The following DPP6 variants were observed in gnomAD, a reference collection of about 807,000 sequenced individuals.
DPP6 encodes A-type potassium channel modulatory protein DPP6.
A neutral mutation model predicts 122.6 loss-of-function variants in DPP6; 69 were observed. That is an observed-to-expected ratio of 0.56 (90% CI 0.46 to 0.69). DPP6 has a LOEUF of 0.69. Ranked by LOEUF, DPP6 falls within the 30% of genes least tolerant of loss-of-function variation. DPP6 has a pLI of 0.00. For synonymous variants in DPP6, 418 were observed against 433.1 expected, an observed-to-expected ratio of 0.97 and a Z score of 0.43; for missense variants, 928 against 1,116.9, an observed-to-expected ratio of 0.83 and a Z score of 2.41.
chr7:154,801,212 T>C (rs902537876), intron 12 of DPP6, 143 bp from the exon 13 acceptor site: 33 of 1,178,314 alleles, frequency 2.8e-5, no homozygotes, highest in Non-Finnish European at 3.6e-5. Flanking sequence ...AGTGACGGCC[T>C]CATCAAGCAC....
chr7:154,278,914 T>A (rs1294362872), intron 1 of DPP6, among the ~76,000 whole-genome samples: 1 of 151,676 alleles, frequency 6.6e-6, no homozygotes, highest in Non-Finnish European at 1.5e-5. Flanking sequence ...CAATTGCATG[T>A]GTATGTATGT....
intron 19 of DPP6, among the ~76,000 whole-genome samples, chr7:154,873,459 G>A (rs983996943): frequency 6.8e-6 from 1 of 146,248 alleles, no homozygotes; most frequent in African/African-American, 2.5e-5. Context: ...TGGGAGAGCC[G>A]GCTGAAGCGA....
intron 1 of DPP6, among the ~76,000 whole-genome samples, chr7:154,235,373 T>TA (rs1431386810): frequency 1.3e-5 from 2 of 152,218 alleles, no homozygotes; most frequent in East Asian, 3.9e-4. Flanking sequence ...TATTGTCAAA[T>TA]AACGACACAG....
intron 16 of DPP6, among the ~76,000 whole-genome samples, chr7:154,820,545 C>T (rs1587242967): frequency 6.6e-6 from 1 of 152,170 alleles, no homozygotes; most frequent in African/African-American, 2.4e-5. Context: ...AGTGCTTCTT[C>T]CCTTCACTTC....
chr7:153,965,802 C>CCATCATAT (rs916049769), intron 1 of DPP6, among the ~76,000 whole-genome samples: 2 of 151,992 alleles, frequency 1.3e-5, no homozygotes, highest in Admixed American at 6.6e-5. Context: ...TGCACCATTT[C>CCATCATAT]CATCATATTT....
chr7:153,842,405 A>G, the DPP6 span, among the ~76,000 whole-genome samples: 4 of 152,134 alleles, frequency 2.6e-5, no homozygotes, highest in African/African-American at 9.7e-5. Flanking sequence ...ATATTCCTGT[A>G]GTTAATATTC....
At chr7:154,244,169 G>A (rs62484157) in intron 1 of DPP6, among the ~76,000 whole-genome samples, 18,261 of 152,042 alleles carry the variant, frequency 0.12, 1,371 homozygotes, top group Non-Finnish European at 0.17. Context: ...GAAAAGACAC[G>A]TTATATACAA....
At chr7:154,262,703 G>A (rs1803115187) in intron 1 of DPP6, among the ~76,000 whole-genome samples, 1 of 150,604 alleles carries the variant, frequency 6.6e-6, no homozygotes, top group African/African-American at 2.4e-5. Flanking sequence ...GCTTACATAA[G>A]AGACCCAAGG....
At chr7:154,367,865 G>A (rs150664899) in intron 1 of DPP6, among the ~76,000 whole-genome samples, 303 of 152,298 alleles carry the variant, frequency 2.0e-3, no homozygotes, top group African/African-American at 7.1e-3. Flanking sequence ...GGCGACAGTG[G>A]GCGCGATCTC....
chr7:154,072,295 A>G (rs577132180), intron 1 of DPP6, among the ~76,000 whole-genome samples: 1 of 152,342 alleles, frequency 6.6e-6, no homozygotes, highest in African/African-American at 2.4e-5. Flanking sequence ...TCAATTGCTT[A>G]TCCATGGTGT....
At chr7:154,070,263 AAG>A (rs1224155405) in intron 1 of DPP6, among the ~76,000 whole-genome samples, 2 of 150,442 alleles carry the variant, frequency 1.3e-5, no homozygotes, top group East Asian at 3.9e-4. Flanking sequence ...GAGTGGCAGA[AAG>A]AGCTTCTTAG....
chr7:154,298,027 G>A (rs531196174), intron 1 of DPP6, among the ~76,000 whole-genome samples: 8 of 152,138 alleles, frequency 5.3e-5, no homozygotes, highest in South Asian at 2.1e-4. Context: ...TTCAGTTAGC[G>A]GACATGGAGT....
chr7:154,127,670 CACACACAA>C (rs1563226152), intron 1 of DPP6, among the ~76,000 whole-genome samples: 41 of 137,448 alleles, frequency 3.0e-4, no homozygotes, highest in Admixed American at 1.2e-3. Context: ...CACACACACA[CACACACAA>C]AACAGCTCTT....
chr7:153,758,434 G>C, the DPP6 span, among the ~76,000 whole-genome samples: 1 of 151,650 alleles, frequency 6.6e-6, no homozygotes, highest in African/African-American at 2.4e-5. Context: ...GTGCATACCC[G>C]TGAAAACGCC....
chr7:154,467,846 A>C lies in DPP6; in HGVS notation c.359-7093A>C, dbSNP rs1821924265. On this transcript the variant is annotated intron_variant, in intron 2 of 25. Coordinates refer to ENST00000377770, the MANE Select transcript of DPP6 (RefSeq NM_130797.4). ...TCATCTCTATGTTTGCCTTCTGCTGAGAGAGGTTTGGGGTCTGTGAATCAC... is the reference window on the plus strand; with the variant it reads ...TCATCTCTATGTTTGCCTTCTGCTGCGAGAGGTTTGGGGTCTGTGAATCAC... Among the ~76,000 whole-genome samples, 6 of 152,276 alleles carry C rather than the reference A, an allele frequency of 3.9e-5. No individual in the cohort carries two copies. In the South Asian group the frequency reaches 1.2e-3, roughly 32 times the overall value.
intron 2 of DPP6, among the ~76,000 whole-genome samples, chr7:154,461,574 A>G (rs1251105212): frequency 6.6e-6 from 1 of 152,162 alleles, no homozygotes; most frequent in Non-Finnish European, 1.5e-5. Flanking sequence ...CTGGGGTGAG[A>G]TGGTGTCTCA....
chr7:154,669,222 C>T, intron 6 of DPP6, 138 bp from the exon 7 acceptor site: 1 of 1,303,346 alleles, frequency 7.7e-7, no homozygotes, highest in South Asian at 1.4e-5. Context: ...TACTTAGTAA[C>T]ACAAGAGACA....
intron 3 of DPP6, among the ~76,000 whole-genome samples, chr7:154,515,378 G>A (rs527818999): frequency 7.9e-5 from 12 of 152,284 alleles, no homozygotes; most frequent in East Asian, 3.9e-4. Context: ...AGGGTCCACC[G>A]TGCATGAGAG....
At chr7:153,831,900 C>G in the DPP6 span, among the ~76,000 whole-genome samples, 1 of 152,132 alleles carries the variant, frequency 6.6e-6, no homozygotes, top group African/African-American at 2.4e-5. Flanking sequence ...AAGAGAATTG[C>G]AAGCCATGGA....
Sources: allele counts gnomAD v4.1 joint callset (sites outside exome capture counted in the v4.1 genomes callset), GRCh38; gene constraint gnomAD v4.1.1; transcripts MANE v1.5; gene names NCBI Gene and HGNC (gene_info 2026-07-23, HGNC 2026-07-21).